Variants in RGS20 observed in about 807,000 individuals in gnomAD.
RGS20 encodes gz-selective GTPase-activating protein.
RGS20 carries 30 observed loss-of-function variants against 33.6 expected under a neutral mutation model. The ratio of observed to expected loss-of-function variants is 0.89; its 90% CI spans 0.67 to 1.21. The LOEUF is 1.21. RGS20 is among the 50% of genes most tolerant of loss of function. The pLI is 0.00. For missense variants in RGS20, 472 were observed against 502.4 expected, an observed-to-expected ratio of 0.94 and a Z score of 0.58; for synonymous variants, 208 against 197.9, an observed-to-expected ratio of 1.05 and a Z score of -0.43.
chr8:53,881,042 G>T, intron 2 of RGS20: 2 of 1,567,016 alleles, frequency 1.3e-6, no homozygotes, highest in Non-Finnish European at 8.6e-7. Context: ...GAGGCGAGCC[G>T]GCCGGGGCTT....
At position 53,954,780 on chromosome 8, in the gene RGS20, C is replaced by T. The variant is rs191207476; in HGVS notation, c.978+470C>T. On this transcript the variant is annotated intron_variant, in intron 5 of 5. Coordinates refer to ENST00000297313, the MANE Select transcript of RGS20 (RefSeq NM_170587.4). Reference sequence around the variant, plus strand: ...TTGGCTCACTGCAACTTCTGCCTCCCGGGTTCAAGCAATTCTCCTGCCTCA... The same window carrying T: ...TTGGCTCACTGCAACTTCTGCCTCCTGGGTTCAAGCAATTCTCCTGCCTCA... Among the ~76,000 whole-genome samples the T allele has an allele frequency of 4.7e-4, 70 of 149,758 alleles. No individual in the cohort carries two copies. The Middle Eastern group carries it at 0.01, about 22-fold the overall frequency.
intron 1 of RGS20, among the ~76,000 whole-genome samples, chr8:53,856,092 A>C (rs1811663016): frequency 6.6e-6 from 1 of 152,178 alleles, no homozygotes; most frequent in Non-Finnish European, 1.5e-5. Flanking sequence ...TACTTTCTGT[A>C]TGATTTCTGC....
rs1812367315 is a variant in RGS20 at position 53,881,097 on chromosome 8, GT to G, written c.510+1497del. 1.5e-5 allele frequency: 22 copies of G among 1,507,790 alleles called. 1 individual carries two copies. In the East Asian group the frequency reaches 5.3e-4, roughly 36 times the overall value. The allele number at this position is 1,507,790 out of a possible 1,614,324, so 93.4% of individuals were successfully genotyped here. On this transcript the variant is annotated intron_variant, in intron 2 of 5. Coordinates refer to ENST00000297313, the MANE Select transcript of RGS20 (RefSeq NM_170587.4). ...GGACGGTGGGCTCGTGAGTATCCCA[GT>G]TCCTCGAACTCTCTTTCTTCGTCTC...
At chr8:53,950,532 A>C (rs1814680413) in intron 4 of RGS20, among the ~76,000 whole-genome samples, 2 of 152,176 alleles carry the variant, frequency 1.3e-5, no homozygotes, top group South Asian at 4.1e-4. Flanking sequence ...TATGGATTTT[A>C]GATTTTTGAA....
In RGS20 at chr8:53,877,543, A is replaced by G. The variant is rs1453470560; in HGVS notation, c.166-1715A>G. 1.3e-5 allele frequency among the ~76,000 whole-genome samples: 2 copies of G among 152,150 alleles called. No individual in the cohort carries two copies. The highest frequency in any genetic ancestry group is 2.9e-5 in the Non-Finnish European group (2 of 68,022). ...TCCCTGGGCGCCAAGACCGATTTCC[A>G]AGTCGCCCACTTTCCCCCTCGAGGG... On this transcript the variant is annotated intron_variant, in intron 1 of 5. Coordinates refer to ENST00000297313, the MANE Select transcript of RGS20 (RefSeq NM_170587.4). This position sits in a 1 kb window ranked among gnomAD's most constrained non-coding sequence, Gnocchi z 5.7.
intron 2 of RGS20, among the ~76,000 whole-genome samples, chr8:53,938,249 C>T (rs6473898): frequency 0.4 from 61,316 of 152,000 alleles, 15,628 homozygotes; most frequent in African/African-American, 0.73. Context: ...TGGATGAAGC[C>T]GGAAACCGTC....
chr8:53,948,728 C>T (rs1360496612), intron 4 of RGS20, among the ~76,000 whole-genome samples: 43 of 80,194 alleles, frequency 5.4e-4, no homozygotes, highest in African/African-American at 1.8e-3. Flanking sequence ...TACATATTTA[C>T]ATATGCTATA....
chr8:53,884,876 A>G (rs757277696), intron 2 of RGS20, among the ~76,000 whole-genome samples: 7 of 152,198 alleles, frequency 4.6e-5, no homozygotes, highest in African/African-American at 1.7e-4. Context: ...GCCTCAGGTA[A>G]GGTAAGGTCA....
intron 2 of RGS20, among the ~76,000 whole-genome samples, chr8:53,912,486 C>A (rs1813372913): frequency 6.6e-6 from 1 of 151,728 alleles, no homozygotes; most frequent in African/African-American, 2.4e-5. Flanking sequence ...TCACATTTAA[C>A]TTCAATTTTG....
At chr8:53,862,942 T>A (rs1310587563) in intron 1 of RGS20, among the ~76,000 whole-genome samples, 2 of 152,078 alleles carry the variant, frequency 1.3e-5, no homozygotes, top group Non-Finnish European at 2.9e-5. Context: ...TGCCTTTGGG[T>A]TTTAGGAAAT....
At chr8:53,892,025 T>A (rs1812723531) in intron 2 of RGS20, among the ~76,000 whole-genome samples, 2 of 152,142 alleles carry the variant, frequency 1.3e-5, no homozygotes, top group African/African-American at 4.8e-5. Flanking sequence ...TATCTCCTAA[T>A]GCTATCCCTC....
intron 1 of RGS20, among the ~76,000 whole-genome samples, chr8:53,853,386 C>T (rs895651315): frequency 1.2e-4 from 18 of 152,206 alleles, no homozygotes; most frequent in Non-Finnish European, 1.3e-4. Flanking sequence ...ATTACACCTT[C>T]CCATGGCATC....
At chr8:53,872,528 A>G (rs944259682) in intron 1 of RGS20, among the ~76,000 whole-genome samples, 4 of 152,208 alleles carry the variant, frequency 2.6e-5, no homozygotes, top group East Asian at 1.9e-4. Context: ...TACACAGGAG[A>G]CACACAATAA....
chr8:53,946,800 C>T, intron 4 of RGS20, 52 bp downstream of exon 3: 1 of 1,416,198 alleles, frequency 7.1e-7, no homozygotes, highest in Non-Finnish European at 9.9e-7. Flanking sequence ...ATACTAACCT[C>T]TTTCTTTTCT....
chr8:53,900,605 A>G (rs1016694969), intron 2 of RGS20, among the ~76,000 whole-genome samples: 1 of 152,228 alleles, frequency 6.6e-6, no homozygotes, highest in African/African-American at 2.4e-5. Flanking sequence ...TAGTTTTCAG[A>G]GACCTTTCAC....
Position 53,909,207 on chromosome 8 carries a change from G to GTGTGTA in RGS20, c.510+29608_510+29609insGTATGT, listed in dbSNP as rs1554520817. 6.6e-3 allele frequency among the ~76,000 whole-genome samples: 546 copies of GTGTGTA among 83,098 alleles called. 13 individuals carry two copies. Among genetic ancestry groups the GTGTGTA allele is most frequent in the African/African-American group, 0.025 (474 of 18,874 alleles). The allele number at this position is 83,098 out of a possible 152,430, so 54.5% of individuals were successfully genotyped here. On this transcript the variant is annotated intron_variant, in intron 2 of 5. Transcript: ENST00000297313. ...TACTCTATTATCCATTATGGTATGT[G>GTGTGTA]TGTATATATATATATATATATATAT...
chr8:53,870,627 T>A (rs1812040672), intron 1 of RGS20, among the ~76,000 whole-genome samples: 1 of 152,128 alleles, frequency 6.6e-6, no homozygotes, highest in African/African-American at 2.4e-5. Flanking sequence ...TACCAGGAAT[T>A]TTCTAGGCTT....
At chr8:53,916,538 T>C (rs1585918639) in intron 2 of RGS20, among the ~76,000 whole-genome samples, 2 of 152,184 alleles carry the variant, frequency 1.3e-5, no homozygotes, top group East Asian at 3.9e-4. Context: ...CTGGGATCTG[T>C]TGTTGCTGAA....
chr8:53,958,407 T>A lies in RGS20; in HGVS notation c.1116T>A (p.Ala372=). The A allele has an allele frequency of 6.2e-7, 1 of 1,612,822 alleles. No homozygotes were observed. The highest frequency in any genetic ancestry group is 1.1e-5 in the South Asian group (1 of 90,944). The stretch of plus-strand genomic sequence containing the variant: ...CATATCCTCGATTCATGAACTCTGC[T>A]GTCTATAAGGACTTGCTTCAGTCCT... The change falls in exon 6 of 6, where the codon GCT becomes GCA. Residue 372 remains alanine (A), a synonymous_variant. Transcript: ENST00000297313.
Sources: gnomAD v4.1 joint callset for allele counts (sites outside exome capture counted in the v4.1 genomes callset) on GRCh38, gnomAD v4.1.1 for gene constraint, Gnocchi (gnomAD v3.1) non-coding constraint, MANE v1.5 for transcripts, NCBI Gene and HGNC (gene_info 2026-07-23, HGNC 2026-07-21) for gene names.